MACROD2: variants seen among roughly 807,000 people sequenced by gnomAD.
MACROD2 encodes mono-ADP ribosylhydrolase 2.
Under a neutral mutation model 70.4 loss-of-function variants are expected in MACROD2, and 36 were observed. The ratio of observed to expected loss-of-function variants is 0.51; its 90% confidence interval spans 0.39 to 0.68. MACROD2 has a LOEUF of 0.68. Ranked by LOEUF, MACROD2 falls within the 30% of genes least tolerant of loss-of-function variation. MACROD2 has a pLI of 0.00. For synonymous variants in MACROD2, 172 were observed against 178.8 expected (o/e 0.96, Z 0.30); for missense variants, 496 against 538.4 (o/e 0.92, Z 0.78).
intron 8 of MACROD2, among the ~76,000 whole-genome samples, chr20:15,573,148 A>T (rs1274304824): frequency 6.6e-6 from 1 of 152,146 alleles, no homozygotes; most frequent in African/African-American, 2.4e-5. Context: ...AGTTCATTCC[A>T]GTCTCACTCA....
chr20:15,689,581 G>A (rs1454413444), intron 8 of MACROD2, among the ~76,000 whole-genome samples: 1 of 152,108 alleles, frequency 6.6e-6, no homozygotes, highest in Admixed American at 6.6e-5. Context: ...AAGCATTCAG[G>A]CAAAGAAAAC....
chr20:15,967,618 G>A lies in MACROD2; in HGVS notation c.973G>A (p.Asp325Asn). 6.4e-7 allele frequency: 1 copy of A among 1,566,792 alleles called. No homozygotes were observed. Among genetic ancestry groups the A allele is most frequent in the Non-Finnish European group, 8.7e-7 (1 of 1,154,262 alleles). The change falls in exon 13 of 18, where the codon GAT becomes AAT. Residue 325 changes from aspartate to asparagine, a missense_variant. Asp to Asn is a conservative substitution (Grantham distance 23). Coordinates refer to ENST00000684519, the MANE Select transcript of MACROD2 (RefSeq NM_001351661.2). ...GACAGATCATTCTGTGCGTGACCAA[G>A]ATCATCCCGATGGTAGGTTGTGAAA... The part of the protein sequence containing the change: ...EVTDHSVRDQ[D>N]HPDGQENDST...
At chr20:15,508,199 C>T (rs1251684479) in intron 8 of MACROD2, among the ~76,000 whole-genome samples, 2 of 151,976 alleles carry the variant, frequency 1.3e-5, no homozygotes, top group African/African-American at 4.8e-5. Context: ...AGCCAGCCCT[C>T]CTGAACCTAG....
intron 12 of MACROD2, among the ~76,000 whole-genome samples, chr20:15,947,943 C>T (rs372856413): frequency 6.6e-6 from 1 of 152,206 alleles, no homozygotes; most frequent in East Asian, 1.9e-4. Flanking sequence ...ATGTTGATGA[C>T]ATCGAAGGCA....
At chr20:15,458,527 T>C (rs776365608) in intron 7 of MACROD2, among the ~76,000 whole-genome samples, 3 of 152,046 alleles carry the variant, frequency 2.0e-5, no homozygotes, top group Non-Finnish European at 4.4e-5. Flanking sequence ...ACATTCTTAT[T>C]GACAAATTTA....
At chr20:14,916,858 G>A (rs1400094173) in intron 5 of MACROD2, among the ~76,000 whole-genome samples, 1 of 151,976 alleles carries the variant, frequency 6.6e-6, no homozygotes, top group African/African-American at 2.4e-5. Flanking sequence ...GAACCTCAGC[G>A]GAGAATGGAA....
intron 3 of MACROD2, among the ~76,000 whole-genome samples, chr20:14,318,438 TA>T (rs978848270): frequency 3.3e-5 from 5 of 152,160 alleles, no homozygotes; most frequent in Admixed American, 6.6e-5. Context: ...AAAAATGAGA[TA>T]GGGGTAGGGA....
At chr20:14,289,188 G>A (rs1036228123) in intron 3 of MACROD2, among the ~76,000 whole-genome samples, 11 of 152,318 alleles carry the variant, frequency 7.2e-5, no homozygotes, top group African/African-American at 2.6e-4. Flanking sequence ...CATTGTGTGA[G>A]TACTAAGATT....
chr20:15,106,670 G>T (rs1167352229), intron 5 of MACROD2, among the ~76,000 whole-genome samples: 1 of 152,126 alleles, frequency 6.6e-6, no homozygotes, highest in Non-Finnish European at 1.5e-5. Flanking sequence ...CCAGATAGTG[G>T]TTCTTGAGTT....
intron 3 of MACROD2, among the ~76,000 whole-genome samples, chr20:14,361,007 A>G (rs2122718861): frequency 1.3e-5 from 2 of 152,320 alleles, no homozygotes; most frequent in South Asian, 4.1e-4. Context: ...CCTTGATGTC[A>G]AAGACCATAA....
In MACROD2 at chr20:16,050,473, TG is replaced by T. The variant is rs1430961190; in HGVS notation, c.*599del. The T allele has an allele frequency of 6.6e-6, 1 of 152,352 alleles. No individual in the cohort carries two copies. The highest frequency in any genetic ancestry group is 2.4e-5 in the African/African-American group (1 of 41,448). 9.4% of individuals were successfully genotyped at this position (152,352 alleles called of 1,614,324 possible). On this transcript the variant is annotated 3_prime_UTR_variant, in exon 18 of 18. Coordinates refer to ENST00000684519, the MANE Select transcript of MACROD2 (RefSeq NM_001351661.2). ...TGTTCCAAGTGGCTAATGAGAAATA[TG>T]GAAGCTGAATTTTTTCCAGAGCAGA... is the stretch of plus-strand genomic sequence containing the variant.
At chr20:15,630,249 A>C (rs2049268901) in intron 8 of MACROD2, among the ~76,000 whole-genome samples, 1 of 152,256 alleles carries the variant, frequency 6.6e-6, no homozygotes. Flanking sequence ...GGATAAATAA[A>C]GCAGGCAAGA....
At chr20:14,251,286 T>G (rs1045371707) in intron 3 of MACROD2, among the ~76,000 whole-genome samples, 1 of 152,168 alleles carries the variant, frequency 6.6e-6, no homozygotes, top group Non-Finnish European at 1.5e-5. Flanking sequence ...AAAAGTACTT[T>G]AAGAAAGAAA....
Position 15,966,227 on chromosome 20 carries a change from C to A in MACROD2, c.908-1326C>A, listed in dbSNP as rs6131749. ...CTCTGTTGGGGAGTTAAAACTCAAC[C>A]AAGTGACACAAATTCAGTAGAGAAC... On this transcript the variant is annotated intron_variant, in intron 12 of 17. Coordinates refer to ENST00000684519, the MANE Select transcript of MACROD2 (RefSeq NM_001351661.2). Among the ~76,000 whole-genome samples the A allele has an allele frequency of 0.018, 2,791 of 152,206 alleles. 187 individuals are homozygous for A. The East Asian group carries it at 0.23, about 13-fold the overall frequency.
At chr20:14,862,124 T>TA (rs1179955607) in intron 5 of MACROD2, among the ~76,000 whole-genome samples, 1 of 2,596 alleles carries the variant, frequency 3.9e-4, no homozygotes, top group African/African-American at 1.6e-3. Context: ...TATAAATATA[T>TA]AATATATATA....
chr20:15,311,265 C>T (rs2077749455), intron 6 of MACROD2, among the ~76,000 whole-genome samples: 2 of 151,922 alleles, frequency 1.3e-5, no homozygotes, highest in South Asian at 4.1e-4. Flanking sequence ...TGTTTGATAG[C>T]AAAAACATAA....
intron 3 of MACROD2, among the ~76,000 whole-genome samples, chr20:14,270,457 T>C (rs2014169): frequency 0.65 from 98,575 of 151,422 alleles, 33,249 homozygotes; most frequent in Non-Finnish European, 0.75. Flanking sequence ...GTTGTGGTGG[T>C]GCATGCCTGT....
chr20:15,226,316 G>A (rs2076905767), intron 5 of MACROD2, among the ~76,000 whole-genome samples: 2 of 152,162 alleles, frequency 1.3e-5, no homozygotes, highest in South Asian at 4.1e-4. Flanking sequence ...TCCTGCCTGT[G>A]TGCTGAGGAC....
intron 4 of MACROD2, among the ~76,000 whole-genome samples, chr20:14,601,420 C>T (rs1223381729): frequency 1.3e-5 from 2 of 152,108 alleles, no homozygotes; most frequent in Non-Finnish European, 2.9e-5. Flanking sequence ...TGGCCATTCA[C>T]CTTCTGCTGT....
Sources: allele counts gnomAD v4.1 joint callset (sites outside exome capture counted in the v4.1 genomes callset), GRCh38; gene constraint gnomAD v4.1.1; transcripts MANE v1.5; gene names NCBI Gene and HGNC (gene_info 2026-07-23, HGNC 2026-07-21).